Variants in PARP15 observed in about 807,000 individuals in gnomAD.
The protein encoded by PARP15 is poly(ADP-ribose) polymerase family member 15.
In PARP15, 50 loss-of-function variants were observed where a neutral mutation model predicts 62.1. The ratio of observed to expected loss-of-function variants is 0.81; its 90% CI spans 0.64 to 1.02. The LOEUF is 1.02. PARP15 is among the 50% of genes least tolerant of loss of function. The probability of loss-of-function intolerance (pLI) is 0.00; values close to 1 mark genes in which losing one functional copy is unlikely to be tolerated. For missense variants in PARP15, 820 were observed against 826.5 expected, an observed-to-expected ratio of 0.99 and a Z score of 0.10; for synonymous variants, 309 against 293.1, an observed-to-expected ratio of 1.05 and a Z score of -0.55.
chr3:122,613,258 A>C lies in PARP15; in HGVS notation c.761A>C (p.Glu254Ala). 6.5e-7 allele frequency: 1 copy of C among 1,545,322 alleles called. No individual in the cohort carries two copies. Among genetic ancestry groups the C allele is most frequent in the African/African-American group, 1.4e-5 (1 of 72,980 alleles). The part of the protein sequence containing the change: ...VHFLVYTNDD[E>A]GCQAFLDEFT... ...TTTCTGGTATATACAAATGACGATG[A>C]AGGCTGTCAGGTATGGTTACATATC... The change falls in exon 4 of 12, where the codon GAA becomes GCA. Residue 254 changes from glutamate to alanine, a missense_variant. Glu to Ala is a moderately radical substitution (Grantham distance 107, BLOSUM62 -1). This residue lies in a region of PARP15 where 731 missense variants were observed against 727.7 expected (regional missense o/e 1.00). Coordinates refer to ENST00000464300, the MANE Select transcript of PARP15 (RefSeq NM_001113523.3).
rs747039553 is a variant in PARP15 at position 122,613,814 on chromosome 3, CT to C, written c.771+571del. ...GGTGACATACCTCTCTGAATCTCAG[CT>C]TTTTTTTTTTTTTTTTTTTTTTTTG... On this transcript the variant is annotated intron_variant, in intron 4 of 11. Coordinates refer to ENST00000464300, the MANE Select transcript of PARP15 (RefSeq NM_001113523.3). Among the ~76,000 whole-genome samples, 618 of 90,780 alleles carry C rather than the reference CT, an allele frequency of 6.8e-3. 9 individuals carry two copies. The highest frequency in any genetic ancestry group is 0.063 in the Admixed American group (427 of 6,756). 59.6% of individuals were successfully genotyped at this position (90,780 alleles called of 152,430 possible).
intron 2 of PARP15, among the ~76,000 whole-genome samples, chr3:122,609,459 G>T (rs925777003): frequency 6.6e-6 from 1 of 152,054 alleles, no homozygotes; most frequent in Non-Finnish European, 1.5e-5. Context: ...ACACTTTGGG[G>T]GGCCAAGGTG....
At chr3:122,578,233 G>GAC (rs2080725906) in intron 1 of PARP15, among the ~76,000 whole-genome samples, 1 of 151,970 alleles carries the variant, frequency 6.6e-6, no homozygotes, top group East Asian at 1.9e-4. Flanking sequence ...TGTGTGGCAA[G>GAC]ACTTACCAGT....
At position 122,605,947 on chromosome 3, in the gene PARP15, C is replaced by T; in HGVS notation, c.198C>T (p.Asn66=). The T allele has an allele frequency of 1.3e-6, 2 of 1,551,404 alleles. No homozygotes were observed. The highest frequency in any genetic ancestry group is 1.7e-6 in the Non-Finnish European group (2 of 1,146,788). Residue 66 remains asparagine, a synonymous_variant, in exon 2 of 12, where the codon AAC becomes AAT. Transcript: ENST00000464300. Reference sequence around the variant, plus strand: ...TGTTTTCTCCACAGTCCAGAGACAACAAGTTCAGCAAGAAAGATTGTCTTT... The same window carrying T: ...TGTTTTCTCCACAGTCCAGAGACAATAAGTTCAGCAAGAAAGATTGTCTTT... The part of the protein sequence containing the change: ...RSSSRSMSRD[N]KFSKKDCLSI...
At chr3:122,599,518 T>TTTTCC in intron 1 of PARP15, among the ~76,000 whole-genome samples, 1 of 79,506 alleles carries the variant, frequency 1.3e-5, no homozygotes, top group African/African-American at 4.2e-5. Context: ...GAATTTCTCT[T>TTTTCC]TTTTCTTTTC....
chr3:122,619,752 G>T (rs764613258), intron 6 of PARP15, 29 bp from the exon 7 acceptor site: 2 of 1,550,828 alleles, frequency 1.3e-6, no homozygotes. Context: ...TCTAACTGAT[G>T]CCTTTTACCA....
At chr3:122,598,040 C>A (rs1330779472) in intron 1 of PARP15, among the ~76,000 whole-genome samples, 3 of 151,880 alleles carry the variant, frequency 2.0e-5, no homozygotes, top group African/African-American at 7.3e-5. Flanking sequence ...GTTGGTTGAA[C>A]CCATGGATAT....
At chr3:122,612,642 G>A (rs924571587) in intron 3 of PARP15, among the ~76,000 whole-genome samples, 36 of 152,060 alleles carry the variant, frequency 2.4e-4, no homozygotes, top group African/African-American at 8.2e-4. Context: ...GGGTTTCACT[G>A]TGTTAGCCAG....
At chr3:122,632,020 G>T (rs1937084152) in intron 9 of PARP15, 66 bp from the exon 10 acceptor site, 1 of 1,587,168 alleles carries the variant, frequency 6.3e-7, no homozygotes. Context: ...GTGCAGAGGA[G>T]GTGCCCTGAT....
At chr3:122,628,183 T>C (rs909804441) in intron 9 of PARP15, among the ~76,000 whole-genome samples, 32 of 152,324 alleles carry the variant, frequency 2.1e-4, no homozygotes, top group Non-Finnish European at 7.4e-5. Flanking sequence ...AGTGGAGATA[T>C]ACAGTCATCA....
chr3:122,589,954 TG>T (rs1933756501), intron 1 of PARP15, among the ~76,000 whole-genome samples: 1 of 149,526 alleles, frequency 6.7e-6, no homozygotes, highest in Non-Finnish European at 1.5e-5. Context: ...GGCACAATCT[TG>T]GCTCACTGCA....
chr3:122,615,572 C>T (rs1296472230), intron 4 of PARP15: 1 of 1,239,616 alleles, frequency 8.1e-7, no homozygotes, highest in Admixed American at 2.9e-5. Context: ...TGTTAGTTTA[C>T]TCACAAAGTA....
At chr3:122,591,988 G>T (rs1030499302) in intron 1 of PARP15, among the ~76,000 whole-genome samples, 19 of 152,228 alleles carry the variant, frequency 1.2e-4, no homozygotes, top group African/African-American at 4.6e-4. Flanking sequence ...TTACACTGTT[G>T]GTGGGAATGT....
At chr3:122,617,924 GT>G (rs1244393675) in intron 6 of PARP15, among the ~76,000 whole-genome samples, 7 of 152,248 alleles carry the variant, frequency 4.6e-5, no homozygotes, top group African/African-American at 1.7e-4. Context: ...TAGAGATGGG[GT>G]TTTGCCATGT....
At chr3:122,591,837 T>G (rs1443413322) in intron 1 of PARP15, among the ~76,000 whole-genome samples, 1 of 151,686 alleles carries the variant, frequency 6.6e-6, no homozygotes. Flanking sequence ...TATGGTTGCA[T>G]GCTACTTTGA....
chr3:122,589,658 T>G (rs1427293833), intron 1 of PARP15, among the ~76,000 whole-genome samples: 1 of 152,200 alleles, frequency 6.6e-6, no homozygotes, highest in Admixed American at 6.5e-5. Context: ...ATGTCCTTAT[T>G]GGCCATTTGT....
At chr3:122,621,062 G>A (rs548153716) in intron 7 of PARP15, among the ~76,000 whole-genome samples, 1 of 152,268 alleles carries the variant, frequency 6.6e-6, no homozygotes, top group Non-Finnish European at 1.5e-5. Flanking sequence ...TGGGGGTTAA[G>A]AGCTATGGAG....
chr3:122,606,154 C>A, intron 2 of PARP15, 99 bp downstream of exon 2: 2 of 1,343,806 alleles, frequency 1.5e-6, no homozygotes, highest in Non-Finnish European at 2.0e-6. Flanking sequence ...TTATCTTAAT[C>A]AAAGATTAAA....
chr3:122,586,695 A>T (rs1933456879), intron 1 of PARP15, among the ~76,000 whole-genome samples: 1 of 152,104 alleles, frequency 6.6e-6, no homozygotes, highest in Non-Finnish European at 1.5e-5. Context: ...GAAAGTACAG[A>T]GTTCCTATAT....
Sources: gnomAD v4.1 joint callset for allele counts (sites outside exome capture counted in the v4.1 genomes callset) on GRCh38, gnomAD v4.1.1 for gene constraint, gnomAD v4.1.1 regional missense constraint, MANE v1.5 for transcripts, NCBI Gene and HGNC (gene_info 2026-07-23, HGNC 2026-07-21) for gene names.